The following SDK1 variants were observed in gnomAD, a reference collection of about 807,000 sequenced individuals.
SDK1 encodes protein sidekick-1.
SDK1 carries 157 observed loss-of-function variants against 245.5 expected under a neutral mutation model. The observed-to-expected ratio is 0.64, with a 90% CI of 0.56 to 0.73. The LOEUF is 0.73. Ranked by LOEUF, SDK1 falls within the 30% of genes least tolerant of loss-of-function variation. The probability of loss-of-function intolerance (pLI) is 0.00; values close to 1 mark genes in which losing one functional copy is unlikely to be tolerated. For missense variants in SDK1, 3,583 were observed against 3,002.3 expected (o/e 1.19, Z -4.52); for synonymous variants, 1,647 against 1,278.5 (o/e 1.29, Z -6.15).
intron 7 of SDK1, chr7:3,952,165 A>T: frequency 1.9e-6 from 1 of 512,986 alleles, no homozygotes; most frequent in Non-Finnish European, 3.4e-6. Context: ...CCAGTCACAA[A>T]GCTCGGGAAA....
intron 17 of SDK1, among the ~76,000 whole-genome samples, chr7:4,036,555 C>A (rs1285089435): frequency 6.6e-6 from 1 of 152,172 alleles, no homozygotes; most frequent in African/African-American, 2.4e-5. Context: ...TGAATCCATA[C>A]ATTTTACACG....
At chr7:3,434,284 C>T (rs1779954951) in intron 1 of SDK1, among the ~76,000 whole-genome samples, 1 of 152,124 alleles carries the variant, frequency 6.6e-6, no homozygotes, top group African/African-American at 2.4e-5. Flanking sequence ...AATATGTCAA[C>T]ATGATTTTTC....
intron 17 of SDK1, among the ~76,000 whole-genome samples, chr7:4,039,083 A>G (rs940825452): frequency 6.6e-6 from 1 of 150,788 alleles, no homozygotes; most frequent in African/African-American, 2.5e-5. Context: ...GTTCTCACTC[A>G]TAGGTGGGAA....
At chr7:3,304,113 C>G (rs567878280) in intron 1 of SDK1, among the ~76,000 whole-genome samples, 1 of 152,202 alleles carries the variant, frequency 6.6e-6, no homozygotes, top group Non-Finnish European at 1.5e-5. Flanking sequence ...TACAGACCCT[C>G]TATGTAACTG....
At chr7:3,508,183 T>C (rs1256536508) in intron 1 of SDK1, among the ~76,000 whole-genome samples, 2 of 138,752 alleles carry the variant, frequency 1.4e-5, no homozygotes, top group East Asian at 4.4e-4. Flanking sequence ...TGGTGTTTTC[T>C]GAATATTTTT....
At chr7:3,882,254 T>A (rs1425813165) in intron 5 of SDK1, among the ~76,000 whole-genome samples, 5 of 152,040 alleles carry the variant, frequency 3.3e-5, no homozygotes, top group African/African-American at 1.2e-4. Flanking sequence ...AAGATGAGAT[T>A]TGGGTGGGGA....
chr7:3,438,849 AT>A lies in SDK1; in HGVS notation c.298+136985del, dbSNP rs527596036. On this transcript the variant is annotated intron_variant, in intron 1 of 44. Transcript: ENST00000404826. The stretch of plus-strand genomic sequence containing the variant: ...CTGTTTTCTTCCCCTTTGTATTAAT[AT>A]TTTTTTTTTTTTTTTTTTTGAGATG... Among the ~76,000 whole-genome samples, 1,234 of 131,136 alleles carry A rather than the reference AT, an allele frequency of 9.4e-3. 9 individuals carry two copies. The highest frequency in any genetic ancestry group is 0.026 in the African/African-American group (832 of 31,792). 86.0% of individuals were successfully genotyped at this position (131,136 alleles called of 152,430 possible). A position where few individuals can be genotyped will look rare whatever the true frequency, so the allele number is the denominator to read the frequency against.
chr7:4,247,444 C>A (rs78880160), intron 44 of SDK1, among the ~76,000 whole-genome samples: 2 of 152,228 alleles, frequency 1.3e-5, no homozygotes, highest in East Asian at 3.8e-4. Flanking sequence ...AAGTGAAATC[C>A]TGCAAAACTA....
intron 17 of SDK1, among the ~76,000 whole-genome samples, chr7:4,049,115 C>A (rs897987463): frequency 1.3e-5 from 2 of 152,200 alleles, no homozygotes; most frequent in African/African-American, 4.8e-5. Flanking sequence ...ATGGTCTGGT[C>A]CACCTTTCTG....
chr7:4,218,180 G>C (rs1269932232), intron 38 of SDK1, among the ~76,000 whole-genome samples: 1 of 152,206 alleles, frequency 6.6e-6, no homozygotes, highest in East Asian at 1.9e-4. Flanking sequence ...GAGGTGGGCA[G>C]ATCACTTGAG....
chr7:4,221,198 A>T lies in SDK1; in HGVS notation c.5702-41A>T, dbSNP rs755905011. 3 of 1,608,466 alleles carry T rather than the reference A, an allele frequency of 1.9e-6. No homozygotes were observed. The South Asian group carries it at 3.3e-5, about 18-fold the overall frequency. On this transcript the variant is annotated intron_variant, in intron 39 of 44. Transcript: ENST00000404826. ...TCACGGGGTGGGATGTGAGCCCCGCAGGGCTGATGCCTCACCTCTCTTTTC... is the reference window on the plus strand; with the variant it reads ...TCACGGGGTGGGATGTGAGCCCCGCTGGGCTGATGCCTCACCTCTCTTTTC...
chr7:3,938,357 C>A (rs1260380516), intron 5 of SDK1, among the ~76,000 whole-genome samples: 1 of 152,018 alleles, frequency 6.6e-6, no homozygotes, highest in Non-Finnish European at 1.5e-5. Context: ...GAAATTAGAT[C>A]CTCAGCCTGG....
intron 19 of SDK1, among the ~76,000 whole-genome samples, chr7:4,066,863 G>A (rs545111457): frequency 3.3e-5 from 5 of 152,162 alleles, no homozygotes; most frequent in Non-Finnish European, 7.3e-5. Flanking sequence ...GCCTGTGGCC[G>A]CCCTTCCTCA....
intron 1 of SDK1, among the ~76,000 whole-genome samples, chr7:3,591,999 C>A (rs781077564): frequency 6.6e-6 from 1 of 152,152 alleles, no homozygotes; most frequent in African/African-American, 2.4e-5. Flanking sequence ...TAGTTCTATA[C>A]AGAAACAAAT....
At chr7:3,714,834 G>C (rs1785154400) in intron 4 of SDK1, among the ~76,000 whole-genome samples, 1 of 152,162 alleles carries the variant, frequency 6.6e-6, no homozygotes, top group African/African-American at 2.4e-5. Context: ...TAAGTGTCAA[G>C]CTTGGAGAGG....
chr7:4,066,372 C>T (rs1009536701), intron 19 of SDK1, among the ~76,000 whole-genome samples: 9 of 152,178 alleles, frequency 5.9e-5, no homozygotes, highest in African/African-American at 1.4e-4. Context: ...TTTCAGGCAC[C>T]GCACAGGTGC....
At chr7:3,531,596 A>C (rs1783345920) in intron 1 of SDK1, among the ~76,000 whole-genome samples, 4 of 152,182 alleles carry the variant, frequency 2.6e-5, no homozygotes, top group Admixed American at 2.6e-4. Context: ...CAGATAGTCA[A>C]AAATAAGTGA....
chr7:3,314,459 G>A (rs1392175566), intron 1 of SDK1, among the ~76,000 whole-genome samples: 12 of 152,224 alleles, frequency 7.9e-5, no homozygotes, highest in Admixed American at 5.9e-4. Context: ...GCACTGTTCA[G>A]AGCTGAGATA....
chr7:3,581,817 T>C (rs1264640145), intron 1 of SDK1, among the ~76,000 whole-genome samples: 1 of 152,204 alleles, frequency 6.6e-6, no homozygotes, highest in Non-Finnish European at 1.5e-5. Context: ...TATGCGGCCA[T>C]GAAATAGAAT....
Sources: gnomAD v4.1 joint callset for allele counts (sites outside exome capture counted in the v4.1 genomes callset) on GRCh38, gnomAD v4.1.1 for gene constraint, MANE v1.5 for transcripts, NCBI Gene and HGNC (gene_info 2026-07-23, HGNC 2026-07-21) for gene names.